The following DISC1 variants were observed in gnomAD, a reference collection of about 807,000 sequenced individuals.
DISC1 encodes the protein DISC1 scaffold protein, also known as disrupted in schizophrenia 1 protein.
DISC1 carries 57 observed loss-of-function variants against 84.5 expected under a neutral mutation model. That is an observed-to-expected ratio of 0.67 (90% confidence interval 0.55 to 0.84). DISC1 has a LOEUF of 0.84. Among genes scored for constraint, DISC1 ranks in the 40% least tolerant of loss-of-function variants. DISC1 has a pLI of 0.00. For missense variants in DISC1, 1,000 were observed against 1,057.8 expected (o/e 0.95, Z 0.76); for synonymous variants, 411 against 415.2 (o/e 0.99, Z 0.12).
Position 231,789,853 on chromosome 1 carries a change from GA to G in DISC1, c.1635-5388del, listed in dbSNP as rs566493893. ...ACATCAGTGGTTGCATTCTGTTTGT[GA>G]TATTGCAAGAGTATTGAAGGGAGCC... On this transcript the variant is annotated intron_variant, in intron 6 of 12. Coordinates refer to ENST00000439617, the MANE Select transcript of DISC1 (RefSeq NM_018662.3). 7.1e-3 allele frequency among the ~76,000 whole-genome samples: 1,075 copies of G among 152,132 alleles called. 9 individuals are homozygous for G. Among genetic ancestry groups the G allele is most frequent in the Non-Finnish European group, 0.012 (842 of 67,988 alleles).
chr1:231,741,411 TA>T (rs1307624152), intron 3 of DISC1, among the ~76,000 whole-genome samples: 10 of 152,154 alleles, frequency 6.6e-5, no homozygotes, highest in Admixed American at 3.9e-4. Context: ...ATGAAAAACA[TA>T]AAAAAACAAG....
chr1:231,635,425 A>G (rs1180519459), intron 1 of DISC1, among the ~76,000 whole-genome samples: 1 of 151,318 alleles, frequency 6.6e-6, no homozygotes, highest in Non-Finnish European at 1.5e-5. Flanking sequence ...CCACCTAGCA[A>G]ATCAATAATG....
chr1:231,995,929 A>G (rs931204949), intron 10 of DISC1, among the ~76,000 whole-genome samples: 1 of 151,868 alleles, frequency 6.6e-6, no homozygotes, highest in Non-Finnish European at 1.5e-5. Flanking sequence ...GACTTCCACA[A>G]TGGTTGAACT....
Position 231,910,998 on chromosome 1 carries a change from C to T in DISC1, c.1982-47830C>T, listed in dbSNP as rs59485594. ...TTTTATCAGAGACTAGGATTGCAAC[C>T]CCTGCTTTCTTTTGTTTTCCATTTG... is the stretch of plus-strand genomic sequence containing the variant. On this transcript the variant is annotated intron_variant, in intron 9 of 12. Coordinates refer to ENST00000439617, the MANE Select transcript of DISC1 (RefSeq NM_018662.3). 2.1e-4 allele frequency among the ~76,000 whole-genome samples: 32 copies of T among 152,138 alleles called. No individual in the cohort carries two copies. The East Asian group carries it at 5.8e-3, about 28-fold the overall frequency.
chr1:231,711,471 T>C (rs1482458948), intron 3 of DISC1, among the ~76,000 whole-genome samples: 3 of 150,666 alleles, frequency 2.0e-5, no homozygotes, highest in Non-Finnish European at 4.4e-5. Context: ...GCCACTCTCC[T>C]GCCTCAGCCT....
At chr1:231,713,242 C>G (rs2068109739) in intron 3 of DISC1, among the ~76,000 whole-genome samples, 1 of 152,080 alleles carries the variant, frequency 6.6e-6, no homozygotes, top group Admixed American at 6.5e-5. Context: ...CAAAATATCA[C>G]AAGGCATACA....
chr1:231,950,047 A>G (rs1324874823), intron 9 of DISC1, among the ~76,000 whole-genome samples: 1 of 152,186 alleles, frequency 6.6e-6, no homozygotes, highest in Non-Finnish European at 1.5e-5. Context: ...TCCTGCCAGC[A>G]CTCAGTGTGA....
chr1:231,774,474 T>C (rs969068895), intron 6 of DISC1, among the ~76,000 whole-genome samples: 21 of 152,208 alleles, frequency 1.4e-4, no homozygotes, highest in African/African-American at 5.1e-4. Flanking sequence ...GGCTGGAGTG[T>C]GGCCACCCTG....
Position 231,762,176 on chromosome 1 carries a change from C to T in DISC1, c.1269-4964C>T, listed in dbSNP as rs528859838. On this transcript the variant is annotated intron_variant, in intron 4 of 12. Transcript: ENST00000439617. ...TTCTTTTTCTTTCTTTCTTTCCCTT[C>T]CTTCCTTCTTTTCTTTCTTTTCTTT... is the stretch of plus-strand genomic sequence containing the variant. 5.8e-4 allele frequency among the ~76,000 whole-genome samples: 56 copies of T among 97,342 alleles called. 3 individuals are homozygous for T. In the South Asian group the frequency reaches 0.019, roughly 34 times the overall value. The allele number at this position is 97,342 out of a possible 152,430, so 63.9% of individuals were successfully genotyped here.
chr1:231,869,087 T>C (rs989338411), intron 9 of DISC1, among the ~76,000 whole-genome samples: 3 of 152,126 alleles, frequency 2.0e-5, no homozygotes, highest in Admixed American at 1.3e-4. Context: ...AGAGTGCTGA[T>C]CTTGAAGACA....
At chr1:231,808,253 G>A (rs891649638) in intron 8 of DISC1, among the ~76,000 whole-genome samples, 2 of 152,146 alleles carry the variant, frequency 1.3e-5, no homozygotes, top group African/African-American at 2.4e-5. Flanking sequence ...TGTCCTGTGA[G>A]GGCTGGAACC....
chr1:231,692,969 A>G (rs77401030), intron 1 of DISC1, among the ~76,000 whole-genome samples: 5,232 of 152,330 alleles, frequency 0.034, 134 homozygotes, highest in East Asian at 0.12. Flanking sequence ...TCTTATCATC[A>G]TATGTGCCAG....
chr1:231,847,805 C>A (rs574064070), intron 9 of DISC1, among the ~76,000 whole-genome samples: 1 of 152,206 alleles, frequency 6.6e-6, no homozygotes, highest in Non-Finnish European at 1.5e-5. Flanking sequence ...GATCTCATTA[C>A]CCTGTCTCAG....
chr1:231,632,915 A>G (rs2058852460), intron 1 of DISC1, among the ~76,000 whole-genome samples: 1 of 152,200 alleles, frequency 6.6e-6, no homozygotes. Context: ...TACTTAAAAT[A>G]CAAAAATCAG....
Position 231,827,905 on chromosome 1 carries a change from T to A in DISC1, c.1981+9388T>A, listed in dbSNP as rs2081969642. ...TTAAGGATTTACTGACTTGGCATCATCAAAAATTTATGAGGCAGGTATGCT... is the reference window on the plus strand; with the variant it reads ...TTAAGGATTTACTGACTTGGCATCAACAAAAATTTATGAGGCAGGTATGCT... On this transcript the variant is annotated intron_variant, in intron 9 of 12. Coordinates refer to ENST00000439617, the MANE Select transcript of DISC1 (RefSeq NM_018662.3). Among the ~76,000 whole-genome samples the A allele has an allele frequency of 2.0e-5, 3 of 152,208 alleles. No individual in the cohort carries two copies. The South Asian group carries it at 6.2e-4, about 32-fold the overall frequency.
chr1:231,861,407 C>T (rs1280517744), intron 9 of DISC1, among the ~76,000 whole-genome samples: 1 of 148,142 alleles, frequency 6.8e-6, no homozygotes, highest in African/African-American at 2.5e-5. Flanking sequence ...GCTGAGATTA[C>T]AGGAGTGAGC....
chr1:231,895,420 A>ATG (rs540758320), intron 9 of DISC1, among the ~76,000 whole-genome samples: 12 of 144,886 alleles, frequency 8.3e-5, no homozygotes, highest in South Asian at 4.3e-4. Context: ...CCTCATATAT[A>ATG]TGTGTGTGTG....
chr1:231,779,016 G>C (rs768668399), intron 6 of DISC1, among the ~76,000 whole-genome samples: 2 of 152,152 alleles, frequency 1.3e-5, no homozygotes, highest in African/African-American at 2.4e-5. Context: ...TGATGGAACA[G>C]ACTCTCGGTG....
chr1:231,823,822 G>A (rs765994991), intron 9 of DISC1, among the ~76,000 whole-genome samples: 8 of 152,104 alleles, frequency 5.3e-5, no homozygotes, highest in African/African-American at 1.7e-4. Context: ...TTCAAAGCAG[G>A]AGGGACTGTG....
Sources: allele counts gnomAD v4.1 joint callset (sites outside exome capture counted in the v4.1 genomes callset), GRCh38; gene constraint gnomAD v4.1.1; transcripts MANE v1.5; gene names NCBI Gene and HGNC (gene_info 2026-07-23, HGNC 2026-07-21).